The following POLR1D variants were observed in gnomAD, a reference collection of about 807,000 sequenced individuals.
POLR1D encodes DNA-directed RNA polymerases I and III subunit RPAC2.
POLR1D carries 8 observed loss-of-function variants against 10.8 expected under a neutral mutation model. That is an observed-to-expected ratio of 0.74 (90% CI 0.43 to 1.33). POLR1D has a LOEUF of 1.33. Ranked by LOEUF, POLR1D falls within the 40% of genes most tolerant of loss-of-function variation. The pLI is 0.01. For synonymous variants in POLR1D, 54 were observed against 57.2 expected, an observed-to-expected ratio of 0.94 and a Z score of 0.25; for missense variants, 152 against 161.7, an observed-to-expected ratio of 0.94 and a Z score of 0.32.
At chr13:27,667,178 T>G (rs979622990) in exon 3 of POLR1D, 1 of 152,118 alleles carries the variant, frequency 6.6e-6, no homozygotes, top group Non-Finnish European at 1.5e-5. Context: ...CCACCCCTTC[T>G]CCCACCCCAG....
intron 2 of POLR1D, among the ~76,000 whole-genome samples, chr13:27,658,677 T>C (rs1956330501): frequency 6.6e-6 from 1 of 152,228 alleles, no homozygotes. Context: ...TGGTGCTATA[T>C]TCTTCCTTGG....
chr13:27,636,204 G>C (rs1000226669), intron 1 of POLR1D, among the ~76,000 whole-genome samples: 15 of 152,252 alleles, frequency 9.9e-5, no homozygotes, highest in African/African-American at 3.6e-4. Flanking sequence ...ATTATAATCT[G>C]TCTCCTCATC....
chr13:27,621,822 G>A, upstream of POLR1D: 1 of 687,820 alleles, frequency 1.5e-6, no homozygotes, highest in Non-Finnish European at 2.5e-6. Context: ...CCCGCCCCGC[G>A]GCTGGGCCCT....
downstream of POLR1D, among the ~76,000 whole-genome samples, chr13:27,627,747 T>TTTTTC (rs1566142755): frequency 5.2e-5 from 7 of 135,130 alleles, no homozygotes; most frequent in South Asian, 2.4e-4. Context: ...TTTTTTTTTT[T>TTTTTC]TTTGTCCCAT....
At chr13:27,638,137 A>G (rs1389834970) in intron 1 of POLR1D, among the ~76,000 whole-genome samples, 3 of 152,190 alleles carry the variant, frequency 2.0e-5, no homozygotes, top group Non-Finnish European at 2.9e-5. Context: ...GGCAGTCCCC[A>G]CAGCAGGAGG....
At chr13:27,632,980 G>C (rs1201140708) in intron 1 of POLR1D, among the ~76,000 whole-genome samples, 1 of 152,140 alleles carries the variant, frequency 6.6e-6, no homozygotes, top group African/African-American at 2.4e-5. Context: ...TATTCTATAA[G>C]CTTCGAATTG....
In POLR1D at chr13:27,652,915, T is replaced by TC. The variant is rs1347959035; in HGVS notation, c.101+4462_101+4463insC. Among the ~76,000 whole-genome samples the TC allele has an allele frequency of 8.0e-3, 1,038 of 129,238 alleles. 50 individuals carry two copies. Among genetic ancestry groups the TC allele is most frequent in the Non-Finnish European group, 0.011 (678 of 60,990 alleles). The allele number at this position is 129,238 out of a possible 152,430, so 84.8% of individuals were successfully genotyped here. ...CAGAAGTTGCATTTACCATTTCTTT[T>TC]TTTTTTTTTTTTTTTTTTTTTTGAG... is the stretch of plus-strand genomic sequence containing the variant. On this transcript the variant is annotated intron_variant, in intron 2 of 2. Transcript: ENST00000399697.
At chr13:27,628,890 G>A (rs573428361) in intron 1 of POLR1D, among the ~76,000 whole-genome samples, 7 of 152,234 alleles carry the variant, frequency 4.6e-5, no homozygotes, top group African/African-American at 1.4e-4. Context: ...ATCTCAACTC[G>A]CTGCAGCCTT....
rs750753359 is a variant in POLR1D at position 27,643,031 on chromosome 13, TTC to T, written c.27-5346_27-5345del. ...AAATTCAGCACCTTTTCTCATGACTTTCTGTTTGTTATTTTATAAATGAATAT... is the reference window on the plus strand; with the variant it reads ...AAATTCAGCACCTTTTCTCATGACTTTGTTTGTTATTTTATAAATGAATAT... On this transcript the variant is annotated intron_variant, in intron 1 of 2. Transcript: ENST00000399697. Among the ~76,000 whole-genome samples the T allele has an allele frequency of 8.6e-4, 131 of 152,300 alleles. 1 individual carries two copies. The highest frequency in any genetic ancestry group is 1.3e-3 in the Non-Finnish European group (91 of 68,004).
At chr13:27,636,545 TATGTCCCG>T (rs61482966) in intron 1 of POLR1D, among the ~76,000 whole-genome samples, 2,672 of 152,326 alleles carry the variant, frequency 0.018, 86 homozygotes, top group African/African-American at 0.061. Flanking sequence ...TAATATAGTG[TATGTCCCG>T]ATTTCTATCA....
downstream of POLR1D, among the ~76,000 whole-genome samples, chr13:27,625,004 A>G (rs1361934085): frequency 6.6e-6 from 1 of 152,238 alleles, no homozygotes; most frequent in African/African-American, 2.4e-5. Flanking sequence ...AAGGTGTTCT[A>G]GAGATTACAG....
chr13:27,652,895 G>A (rs1423142394), intron 2 of POLR1D, among the ~76,000 whole-genome samples: 1 of 134,144 alleles, frequency 7.5e-6, no homozygotes, highest in Non-Finnish European at 1.6e-5. Flanking sequence ...CTTGCCAGAA[G>A]TTGCATTTAC....
intron 1 of POLR1D, among the ~76,000 whole-genome samples, chr13:27,647,261 C>T (rs1353733612): frequency 6.6e-6 from 1 of 151,904 alleles, no homozygotes; most frequent in Admixed American, 6.6e-5. Flanking sequence ...TTAACCTCTT[C>T]AAAAATTACA....
intron 1 of POLR1D, among the ~76,000 whole-genome samples, chr13:27,636,036 A>T (rs570937995): frequency 6.8e-4 from 104 of 152,310 alleles, no homozygotes; most frequent in African/African-American, 2.5e-3. Flanking sequence ...GAGTAAGTCT[A>T]TTCAGTCTGG....
At chr13:27,655,241 A>T (rs1016023287) in intron 2 of POLR1D, among the ~76,000 whole-genome samples, 2 of 152,238 alleles carry the variant, frequency 1.3e-5, no homozygotes, top group African/African-American at 4.8e-5. Context: ...GTGGTATAGT[A>T]TATTTACATG....
intron 1 of POLR1D, among the ~76,000 whole-genome samples, chr13:27,637,179 G>T (rs1956132369): frequency 6.6e-6 from 1 of 152,106 alleles, no homozygotes. Context: ...TTGTTGGTAT[G>T]ATATGTGTTA....
chr13:27,631,881 TATC>T (rs1956076654), intron 1 of POLR1D, among the ~76,000 whole-genome samples: 1 of 152,150 alleles, frequency 6.6e-6, no homozygotes, highest in Non-Finnish European at 1.5e-5. Context: ...TTTGTACACT[TATC>T]AGCTGACATT....
At chr13:27,634,300 G>A (rs372347291) in intron 1 of POLR1D, among the ~76,000 whole-genome samples, 1 of 152,172 alleles carries the variant, frequency 6.6e-6, no homozygotes, top group African/African-American at 2.4e-5. Flanking sequence ...TAGCTTACAG[G>A]TGTGTCACTG....
intron 2 of POLR1D, among the ~76,000 whole-genome samples, chr13:27,649,243 A>G (rs529466903): frequency 6.6e-6 from 1 of 152,238 alleles, no homozygotes; most frequent in African/African-American, 2.4e-5. Flanking sequence ...ACTTCTGAAC[A>G]TAGCTCATTT....
Sources: allele counts gnomAD v4.1 joint callset (sites outside exome capture counted in the v4.1 genomes callset), GRCh38; gene constraint gnomAD v4.1.1; transcripts MANE v1.5; gene names NCBI Gene and HGNC (gene_info 2026-07-23, HGNC 2026-07-21).